Variants in SRGAP2C observed in about 807,000 individuals in gnomAD.
The protein encoded by SRGAP2C is SLIT-ROBO Rho GTPase-activating protein 2C.
A neutral mutation model predicts 25.1 loss-of-function variants in SRGAP2C; 15 were observed. The observed-to-expected ratio is 0.60, with a 90% CI of 0.40 to 0.92. The LOEUF (loss-of-function observed/expected upper bound fraction) is 0.92. Among genes scored for constraint, SRGAP2C ranks in the 40% least tolerant of loss-of-function variants. The pLI is 0.00. For missense variants in SRGAP2C, 144 were observed against 264.4 expected, an observed-to-expected ratio of 0.54 and a Z score of 3.16; for synonymous variants, 44 against 96.6, an observed-to-expected ratio of 0.46 and a Z score of 3.19.
chr1:121,272,581 G>A (rs1272399811), intron 2 of SRGAP2C, among the ~76,000 whole-genome samples: 1 of 151,638 alleles, frequency 6.6e-6, no homozygotes, highest in Admixed American at 6.6e-5. Context: ...ATTTGGTGAA[G>A]GTGAAGGAAT....
At chr1:121,231,599 C>T (rs1204261965) in intron 2 of SRGAP2C, among the ~76,000 whole-genome samples, 1 of 151,344 alleles carries the variant, frequency 6.6e-6, no homozygotes, top group African/African-American at 2.4e-5. Context: ...TTATTAGTAC[C>T]ACTCTTTAAT....
intron 2 of SRGAP2C, among the ~76,000 whole-genome samples, chr1:121,264,631 T>C (rs1553333997): frequency 6.6e-6 from 1 of 151,068 alleles, no homozygotes; most frequent in African/African-American, 2.4e-5. Context: ...GGAGTACTTT[T>C]CCTGCCTTCT....
intron 3 of SRGAP2C, among the ~76,000 whole-genome samples, chr1:121,287,835 G>A (rs1349656994): frequency 6.5e-4 from 99 of 151,992 alleles, no homozygotes; most frequent in African/African-American, 2.2e-3. Context: ...AGACCTTCAC[G>A]GTGAGTGTTA....
intron 2 of SRGAP2C, among the ~76,000 whole-genome samples, chr1:121,257,259 G>A (rs1477993999): frequency 1.4e-5 from 2 of 143,476 alleles, no homozygotes; most frequent in South Asian, 2.3e-4. Context: ...GAGACTACAG[G>A]CACGCATCGC....
intron 2 of SRGAP2C, among the ~76,000 whole-genome samples, chr1:121,268,191 C>T (rs1485445502): frequency 3.3e-5 from 5 of 150,938 alleles, no homozygotes; most frequent in Admixed American, 6.6e-5. Context: ...TAGAGAGTGT[C>T]GGGGCACTTT....
At chr1:121,208,813 G>A (rs1307606294) in intron 2 of SRGAP2C, among the ~76,000 whole-genome samples, 6 of 152,160 alleles carry the variant, frequency 3.9e-5, no homozygotes, top group Admixed American at 6.5e-5. Context: ...ATTTTTATTC[G>A]GTTAGAGAGA....
intron 2 of SRGAP2C, among the ~76,000 whole-genome samples, chr1:121,228,671 A>G (rs1422247021): frequency 1.3e-5 from 2 of 151,938 alleles, no homozygotes; most frequent in East Asian, 1.9e-4. Context: ...CATCTCTTCT[A>G]ATAGATGGGC....
chr1:121,285,969 G>A (rs1657355274), intron 3 of SRGAP2C, among the ~76,000 whole-genome samples: 1 of 152,158 alleles, frequency 6.6e-6, no homozygotes, highest in Admixed American at 6.5e-5. Context: ...CATAAAATAT[G>A]CTAATACAAT....
chr1:121,184,987 A>T lies in SRGAP2C; in HGVS notation c.-680A>T, dbSNP rs1351138419. 1.8e-5 allele frequency: 9 copies of T among 509,716 alleles called. No individual in the cohort carries two copies. Among genetic ancestry groups the T allele is most frequent in the Admixed American group, 3.7e-5 (1 of 27,212 alleles). The allele number at this position is 509,716 out of a possible 1,614,324, so 31.6% of individuals were successfully genotyped here. ...TCTACTTCCCGGCGGGGTCCTGCGG[A>T]GTTGGCGGAGGCGGCGGAGGCTCCT... On this transcript the variant is annotated 5_prime_UTR_variant, in exon 1 of 10. Coordinates refer to ENST00000367123, the MANE Select transcript of SRGAP2C (RefSeq NM_001329984.2).
intron 2 of SRGAP2C, among the ~76,000 whole-genome samples, chr1:121,222,780 T>C (rs1408666178): frequency 1.3e-5 from 2 of 152,162 alleles, no homozygotes; most frequent in Non-Finnish European, 2.9e-5. Context: ...TTTTCATTTA[T>C]GCAGACAGAC....
At chr1:121,191,682 T>G (rs1553319792) in intron 2 of SRGAP2C, among the ~76,000 whole-genome samples, 1 of 152,108 alleles carries the variant, frequency 6.6e-6, no homozygotes, top group African/African-American at 2.4e-5. Flanking sequence ...TGAATACACA[T>G]GACTGTAATG....
chr1:121,365,926 C>T (rs1351609012), intron 5 of SRGAP2C, among the ~76,000 whole-genome samples: 13 of 146,572 alleles, frequency 8.9e-5, no homozygotes, highest in Non-Finnish European at 1.2e-4. Flanking sequence ...AGGCTGCGGG[C>T]TTGAAGAAGA....
intron 2 of SRGAP2C, among the ~76,000 whole-genome samples, chr1:121,275,240 A>C (rs1262464479): frequency 9.5e-6 from 1 of 105,630 alleles, no homozygotes; most frequent in Non-Finnish European, 1.9e-5. Flanking sequence ...TCTTGTGTAA[A>C]TATCTTACAT....
chr1:121,271,384 C>T (rs1161135578), intron 2 of SRGAP2C, among the ~76,000 whole-genome samples: 2 of 149,126 alleles, frequency 1.3e-5, no homozygotes, highest in African/African-American at 4.9e-5. Flanking sequence ...AGGAAGTGCC[C>T]ACTGGTTCCT....
At chr1:121,239,697 G>T (rs1656077534) in intron 2 of SRGAP2C, among the ~76,000 whole-genome samples, 6 of 150,660 alleles carry the variant, frequency 4.0e-5, no homozygotes, top group Admixed American at 3.3e-4. Context: ...TTAAATCAGG[G>T]GTCAGCAAAC....
chr1:121,274,919 G>T (rs1411380761), intron 2 of SRGAP2C, among the ~76,000 whole-genome samples: 1 of 142,612 alleles, frequency 7.0e-6, no homozygotes, highest in Admixed American at 7.1e-5. Context: ...TCTTCTGTGT[G>T]AACCTTCAAG....
chr1:121,329,335 G>A (rs1302267530), intron 4 of SRGAP2C, among the ~76,000 whole-genome samples: 3 of 151,366 alleles, frequency 2.0e-5, no homozygotes, highest in African/African-American at 7.3e-5. Context: ...TAAGTATGTT[G>A]TACAGAGAAG....
At position 121,233,145 on chromosome 1, in the gene SRGAP2C, CTTTTTTT is replaced by C. The variant is rs1196199123; in HGVS notation, c.67+45645_67+45651del. The stretch of plus-strand genomic sequence containing the variant: ...GGCAAGAGGGATCTCCCCCTTGGTT[CTTTTTTT>C]TTTTTTTTTTTTGAGACAGAGTCTT... On this transcript the variant is annotated intron_variant, in intron 2 of 9. Coordinates refer to ENST00000367123, the MANE Select transcript of SRGAP2C (RefSeq NM_001329984.2). 2.2e-4 allele frequency among the ~76,000 whole-genome samples: 26 copies of C among 118,098 alleles called. No homozygotes were observed. The East Asian group carries it at 4.2e-3, about 19-fold the overall frequency. 77.5% of individuals were successfully genotyped at this position (118,098 alleles called of 152,430 possible).
At chr1:121,332,485 G>A (rs1368951035) in intron 4 of SRGAP2C, among the ~76,000 whole-genome samples, 2 of 151,310 alleles carry the variant, frequency 1.3e-5, no homozygotes, top group East Asian at 3.9e-4. Flanking sequence ...ACTGCAGGAA[G>A]TGGGGAATGC....
Sources: gnomAD v4.1 joint callset for allele counts (sites outside exome capture counted in the v4.1 genomes callset) on GRCh38, gnomAD v4.1.1 for gene constraint, MANE v1.5 for transcripts, NCBI Gene and HGNC (gene_info 2026-07-23, HGNC 2026-07-21) for gene names.